The following ADARB2 variants were observed in gnomAD, a reference collection of about 807,000 sequenced individuals.
The protein encoded by ADARB2 is inactive double-stranded RNA-specific editase B2.
A neutral mutation model predicts 62.2 loss-of-function variants in ADARB2; 25 were observed. The ratio of observed to expected loss-of-function variants is 0.40; its 90% CI spans 0.29 to 0.56. The LOEUF (loss-of-function observed/expected upper bound fraction) is 0.56, where lower values mean the gene tolerates loss of function less well. ADARB2 is among the 20% of genes least tolerant of loss of function. The pLI, the probability that ADARB2 is intolerant of heterozygous loss-of-function variation, is 0.43. For synonymous variants in ADARB2, 572 were observed against 500.8 expected (o/e 1.14, Z -1.90); for missense variants, 1,071 against 1,077.4 (o/e 0.99, Z 0.08).
At position 1,677,136 on chromosome 10, in the gene ADARB2, C is replaced by T. The variant is rs115914428; in HGVS notation, c.100+59915G>A. Among the ~76,000 whole-genome samples, 522 of 152,378 alleles carry T rather than the reference C, an allele frequency of 3.4e-3. 4 individuals carry two copies. Among genetic ancestry groups the T allele is most frequent in the African/African-American group, 0.012 (500 of 41,596 alleles). On this transcript the variant is annotated intron_variant, in intron 1 of 9. Transcript: ENST00000381312. Reference sequence around the variant, plus strand: ...TTTAATTTAAAGAATAATAAAGGAGCAGGCTTGGAGTGGAAAACCTGCACA... The same window carrying T: ...TTTAATTTAAAGAATAATAAAGGAGTAGGCTTGGAGTGGAAAACCTGCACA...
At chr10:1,254,085 C>A (rs531852439) in intron 4 of ADARB2, among the ~76,000 whole-genome samples, 1 of 148,482 alleles carries the variant, frequency 6.7e-6, no homozygotes, top group African/African-American at 2.5e-5. Flanking sequence ...GTTAGGATGC[C>A]GCGGTCTCTG....
At chr10:1,198,125 A>G (rs535005011) in intron 8 of ADARB2, among the ~76,000 whole-genome samples, 1 of 152,306 alleles carries the variant, frequency 6.6e-6, no homozygotes, top group Admixed American at 6.5e-5. Flanking sequence ...ATAGATTTAG[A>G]CTGGAAAGTG....
rs776880733 is a variant in ADARB2, at chr10:1,363,495, C to A, written c.610G>T (p.Gly204Trp). Residue 204 changes from glycine (G) to tryptophan (W), a missense_variant, in exon 3 of 10, where the codon GGG becomes TGG. Physicochemically the swap from Gly to Trp is radical, Grantham distance 184 (BLOSUM62 -2). Coordinates refer to ENST00000381312, the MANE Select transcript of ADARB2 (RefSeq NM_018702.4). Reference protein sequence around the residue: ...NACQAHLAMGGGPGPGTDFTS... With the variant: ...NACQAHLAMGWGPGPGTDFTS... ...AAGTCCGTGCCGGGGCCCGGGCCCC[C>A]GCCCATGGCCAGGTGCGCCTGGCAG... 1.6e-5 allele frequency: 24 copies of A among 1,514,532 alleles called. No individual in the cohort carries two copies. Among genetic ancestry groups the A allele is most frequent in the Admixed American group, 8.7e-5 (4 of 45,786 alleles). The allele number at this position is 1,514,532 out of a possible 1,614,324, so 93.8% of individuals were successfully genotyped here.
At chr10:1,540,600 C>G (rs1485884340) in intron 1 of ADARB2, among the ~76,000 whole-genome samples, 2 of 83,334 alleles carry the variant, frequency 2.4e-5, no homozygotes, top group Non-Finnish European at 5.2e-5. Flanking sequence ...CCGTCCAGAC[C>G]CCACTCAGAC....
chr10:1,314,690 C>T (rs954573012), intron 3 of ADARB2, among the ~76,000 whole-genome samples: 17 of 152,298 alleles, frequency 1.1e-4, no homozygotes, highest in Non-Finnish European at 1.9e-4. Flanking sequence ...TGATGATAGT[C>T]TGCCAACCAC....
chr10:1,209,437 C>T (rs1422603480), intron 7 of ADARB2, among the ~76,000 whole-genome samples: 2 of 150,836 alleles, frequency 1.3e-5, no homozygotes, highest in Non-Finnish European at 3.0e-5. Flanking sequence ...ATGCCCACAC[C>T]TACAGCCTGG....
At position 1,200,090 on chromosome 10, in the gene ADARB2, G is replaced by A. The variant is rs144659227; in HGVS notation, c.1740C>T (p.Tyr580=). ...ALLSHFVEPV[Y]LQSIVVGSLH... is the part of the protein sequence containing the mutation. ...GGCTGCCCACCACGATGCTCTGCAG[G>A]TACACGGGCTCCACGAAGTGGGACA... The change falls in exon 8 of 10, where the codon TAC becomes TAT. Residue 580 remains tyrosine (Y), a synonymous_variant. Transcript: ENST00000381312. The A allele has an allele frequency of 3.3e-4, 511 of 1,569,754 alleles. No individual in the cohort carries two copies. The highest frequency in any genetic ancestry group is 4.2e-4 in the Non-Finnish European group (490 of 1,159,264).
At chr10:1,623,033 G>A (rs1478980958) in intron 1 of ADARB2, among the ~76,000 whole-genome samples, 4 of 152,112 alleles carry the variant, frequency 2.6e-5, no homozygotes, top group African/African-American at 9.7e-5. Flanking sequence ...CAACACAGAT[G>A]AGCCTCAAAA....
chr10:1,436,602 A>C (rs75547048), intron 1 of ADARB2, among the ~76,000 whole-genome samples: 12,548 of 152,172 alleles, frequency 0.082, 625 homozygotes, highest in East Asian at 0.23. Context: ...AAGATTTCCC[A>C]CCTCTCAAAG....
intron 1 of ADARB2, among the ~76,000 whole-genome samples, chr10:1,612,910 G>A (rs1833589366): frequency 6.6e-6 from 1 of 152,226 alleles, no homozygotes; most frequent in African/African-American, 2.4e-5. Context: ...TTGGGTTGTA[G>A]TGATTAGTAG....
intron 1 of ADARB2, among the ~76,000 whole-genome samples, chr10:1,611,934 C>T (rs909013429): frequency 6.6e-6 from 1 of 152,182 alleles, no homozygotes; most frequent in Admixed American, 6.5e-5. Context: ...TTCCCGCCCC[C>T]ACCTGCCCTT....
intron 1 of ADARB2, among the ~76,000 whole-genome samples, chr10:1,571,775 T>C (rs1832938513): frequency 7.0e-6 from 1 of 143,022 alleles, no homozygotes; most frequent in African/African-American, 2.7e-5. Flanking sequence ...GACAGGTGAG[T>C]AGGCAGGTGA....
At chr10:1,712,278 C>A (rs1437152295) in intron 1 of ADARB2, among the ~76,000 whole-genome samples, 1 of 152,082 alleles carries the variant, frequency 6.6e-6, no homozygotes. Flanking sequence ...TTTTATACAA[C>A]CTAGCCTAGC....
At chr10:1,303,499 C>G (rs1026327666) in intron 3 of ADARB2, among the ~76,000 whole-genome samples, 1 of 152,090 alleles carries the variant, frequency 6.6e-6, no homozygotes, top group Non-Finnish European at 1.5e-5. Flanking sequence ...CAAGGCAGGC[C>G]AACGTTCAGA....
chr10:1,621,197 C>A (rs909376744), intron 1 of ADARB2, among the ~76,000 whole-genome samples: 1 of 152,170 alleles, frequency 6.6e-6, no homozygotes, highest in Non-Finnish European at 1.5e-5. Flanking sequence ...TTGTAGATGA[C>A]ATGAACATCT....
chr10:1,215,020 G>A (rs1237695573), intron 7 of ADARB2, among the ~76,000 whole-genome samples: 1 of 152,146 alleles, frequency 6.6e-6, no homozygotes, highest in African/African-American at 2.4e-5. Flanking sequence ...TCCAGAAGCC[G>A]GTCTGTGTAG....
chr10:1,715,383 A>T (rs962236799), intron 1 of ADARB2, among the ~76,000 whole-genome samples: 1 of 152,208 alleles, frequency 6.6e-6, no homozygotes, highest in Non-Finnish European at 1.5e-5. Context: ...AATGAAATAA[A>T]AGTCACTAAG....
chr10:1,220,765 AT>A (rs1193669586), intron 6 of ADARB2, among the ~76,000 whole-genome samples: 1 of 152,128 alleles, frequency 6.6e-6, no homozygotes, highest in Non-Finnish European at 1.5e-5. Context: ...GCCTTTCTAA[AT>A]TTTTACCAGT....
At chr10:1,734,844 T>A (rs1229113074) in intron 1 of ADARB2, among the ~76,000 whole-genome samples, 1 of 152,236 alleles carries the variant, frequency 6.6e-6, no homozygotes, top group African/African-American at 2.4e-5. Context: ...TTTATGGTTG[T>A]TAAGATTCAT....
Sources: gnomAD v4.1 joint callset for allele counts (sites outside exome capture counted in the v4.1 genomes callset) on GRCh38, gnomAD v4.1.1 for gene constraint, MANE v1.5 for transcripts, NCBI Gene and HGNC (gene_info 2026-07-23, HGNC 2026-07-21) for gene names.